Variants in ADARB2 observed in about 807,000 individuals in gnomAD.
The protein encoded by ADARB2 is inactive double-stranded RNA-specific editase B2.
A neutral mutation model predicts 62.2 loss-of-function variants in ADARB2; 25 were observed. The ratio of observed to expected loss-of-function variants is 0.40; its 90% CI spans 0.29 to 0.56. The LOEUF is 0.56. ADARB2 is among the 20% of genes least tolerant of loss of function. The pLI, the probability that ADARB2 is intolerant of heterozygous loss-of-function variation, is 0.43. For synonymous variants in ADARB2, 572 were observed against 500.8 expected, an observed-to-expected ratio of 1.14 and a Z score of -1.90; for missense variants, 1,071 against 1,077.4, an observed-to-expected ratio of 0.99 and a Z score of 0.08.
chr10:1,594,132 A>G (rs762710120), intron 1 of ADARB2, among the ~76,000 whole-genome samples: 1 of 152,140 alleles, frequency 6.6e-6, no homozygotes, highest in Non-Finnish European at 1.5e-5. Flanking sequence ...TCTACTAAAA[A>G]TACAAAAATT....
intron 3 of ADARB2, among the ~76,000 whole-genome samples, chr10:1,330,856 G>A (rs1341864379): frequency 6.6e-6 from 1 of 152,212 alleles, no homozygotes; most frequent in Non-Finnish European, 1.5e-5. Flanking sequence ...TATATCTGAT[G>A]AGGCACTGAT....
intron 1 of ADARB2, among the ~76,000 whole-genome samples, chr10:1,711,435 A>G (rs1227288437): frequency 3.9e-5 from 6 of 152,212 alleles, no homozygotes; most frequent in African/African-American, 7.2e-5. Flanking sequence ...GAACACCACC[A>G]TAGCTGATGG....
intron 3 of ADARB2, among the ~76,000 whole-genome samples, chr10:1,288,797 T>C (rs1446414954): frequency 1.3e-5 from 2 of 152,222 alleles, no homozygotes; most frequent in Non-Finnish European, 2.9e-5. Context: ...CCCCACTCCC[T>C]GAATAGGGGT....
At chr10:1,230,207 C>T (rs749174891) in intron 6 of ADARB2, among the ~76,000 whole-genome samples, 3 of 152,126 alleles carry the variant, frequency 2.0e-5, no homozygotes, top group African/African-American at 7.2e-5. Context: ...AACATCATGG[C>T]CCTCAGGGCT....
At chr10:1,358,280 G>A (rs1246139483) in intron 3 of ADARB2, among the ~76,000 whole-genome samples, 1 of 152,218 alleles carries the variant, frequency 6.6e-6, no homozygotes, top group Non-Finnish European at 1.5e-5. Flanking sequence ...GGTGGGAACA[G>A]CTGGGGATGC....
intron 1 of ADARB2, among the ~76,000 whole-genome samples, chr10:1,713,210 G>A (rs1046683402): frequency 3.9e-5 from 6 of 152,190 alleles, no homozygotes; most frequent in African/African-American, 1.4e-4. Flanking sequence ...GGTGATGGGA[G>A]GCGAAGGCAG....
At chr10:1,619,570 G>A (rs552471834) in intron 1 of ADARB2, among the ~76,000 whole-genome samples, 4 of 152,282 alleles carry the variant, frequency 2.6e-5, no homozygotes, top group Admixed American at 2.6e-4. Context: ...TCCTGTCTCA[G>A]CCTCCCAAGT....
chr10:1,344,600 G>C (rs1347657568), intron 3 of ADARB2, among the ~76,000 whole-genome samples: 1 of 152,206 alleles, frequency 6.6e-6, no homozygotes, highest in Non-Finnish European at 1.5e-5. Flanking sequence ...GCACCCTTCT[G>C]GCAGCCACAG....
chr10:1,615,040 G>A (rs910327343), intron 1 of ADARB2, among the ~76,000 whole-genome samples: 6 of 152,210 alleles, frequency 3.9e-5, no homozygotes, highest in Admixed American at 2.6e-4. Context: ...GGTCTACTGA[G>A]AAGTGTATGT....
chr10:1,449,190 C>T (rs770649412), intron 1 of ADARB2, among the ~76,000 whole-genome samples: 1 of 152,184 alleles, frequency 6.6e-6, no homozygotes, highest in African/African-American at 2.4e-5. Context: ...CAGTCAGCCC[C>T]ACATGCTATT....
Position 1,179,353 on chromosome 10 carries a change from GGTGTGATA to G in ADARB2, c.*3832_*3839del, listed in dbSNP as rs1163256558. The G allele has an allele frequency of 2.0e-5, 3 of 152,208 alleles. No homozygotes were observed. The highest frequency in any genetic ancestry group is 7.2e-5 in the African/African-American group (3 of 41,442). The allele number at this position is 152,208 out of a possible 1,614,324, so 9.4% of individuals were successfully genotyped here. A position where few individuals can be genotyped will look rare whatever the true frequency, so the allele number is the denominator to read the frequency against. On this transcript the variant is annotated 3_prime_UTR_variant, in exon 10 of 10. Coordinates refer to ENST00000381312, the MANE Select transcript of ADARB2 (RefSeq NM_018702.4). ...ACAGGACTCATCACAAAGTCAGCAT[GGTGTGATA>G]GATATATACAGATGTAAAGAGAATC...
intron 3 of ADARB2, chr10:1,292,477 T>A (rs1475054292): frequency 6.6e-6 from 1 of 152,194 alleles, no homozygotes; most frequent in Non-Finnish European, 1.5e-5. Flanking sequence ...ACAGCATGCA[T>A]AGACACTCAG....
chr10:1,571,906 G>A (rs1832942525), intron 1 of ADARB2, among the ~76,000 whole-genome samples: 1 of 144,454 alleles, frequency 6.9e-6, no homozygotes, highest in South Asian at 2.3e-4. Flanking sequence ...GCTGGTGAGT[G>A]GAAAGGTGAG....
At chr10:1,290,718 A>T (rs529767967) in intron 3 of ADARB2, 2 of 152,190 alleles carry the variant, frequency 1.3e-5, no homozygotes, top group Non-Finnish European at 2.9e-5. Flanking sequence ...GATTATGTAA[A>T]GTAGTCGTCC....
At chr10:1,674,258 A>G (rs1056987666) in intron 1 of ADARB2, among the ~76,000 whole-genome samples, 2 of 152,190 alleles carry the variant, frequency 1.3e-5, no homozygotes, top group Non-Finnish European at 2.9e-5. Context: ...AAAATTGGCA[A>G]CTGTGGGGGC....
Position 1,363,240 on chromosome 10 carries a change from C to T in ADARB2, c.865G>A (p.Gly289Arg). The change falls in exon 3 of 10, where the codon GGG (glycine) becomes AGG (arginine). Residue 289 changes from glycine to arginine, a missense_variant. Gly to Arg is a moderately radical substitution (Grantham distance 125). Transcript: ENST00000381312. The stretch of plus-strand genomic sequence containing the variant: ...TCTGCCAGACACACGTAGCGCAGCC[C>T]GGCGCGCAGGCGGTTCAGCAGCACC... ...PVVLLNRLRA[G>R]LRYVCLAEPA... 3 of 1,377,842 alleles carry T rather than the reference C, an allele frequency of 2.2e-6. No homozygotes were observed. The highest frequency in any genetic ancestry group is 3.1e-5 in the East Asian group (1 of 32,482). 85.4% of individuals were successfully genotyped at this position (1,377,842 alleles called of 1,614,324 possible). A position where few individuals can be genotyped will look rare whatever the true frequency, so the allele number is the denominator to read the frequency against.
chr10:1,673,946 T>C (rs935850546), intron 1 of ADARB2, among the ~76,000 whole-genome samples: 4 of 150,936 alleles, frequency 2.7e-5, no homozygotes, highest in African/African-American at 9.9e-5. Flanking sequence ...AGAAAGGTTA[T>C]TGGGCAGATG....
At chr10:1,651,010 T>C (rs1220350194) in intron 1 of ADARB2, among the ~76,000 whole-genome samples, 1 of 152,138 alleles carries the variant, frequency 6.6e-6, no homozygotes, top group Non-Finnish European at 1.5e-5. Context: ...GAGAGCTGCG[T>C]TTCTCCTTCT....
At chr10:1,319,721 C>G (rs1421655647) in intron 3 of ADARB2, among the ~76,000 whole-genome samples, 1 of 152,200 alleles carries the variant, frequency 6.6e-6, no homozygotes, top group Non-Finnish European at 1.5e-5. Context: ...CCAAGGCATT[C>G]TGTGCCCTGT....
Sources: allele counts gnomAD v4.1 joint callset (sites outside exome capture counted in the v4.1 genomes callset), GRCh38; gene constraint gnomAD v4.1.1; transcripts MANE v1.5; gene names NCBI Gene and HGNC (gene_info 2026-07-23, HGNC 2026-07-21).